MGLL: variants seen among roughly 807,000 people sequenced by gnomAD.
The protein encoded by MGLL is monoglyceride lipase, also known as lysophospholipase homolog.
In MGLL, 7 loss-of-function variants were observed where a neutral mutation model predicts 29.1. The ratio of observed to expected loss-of-function variants is 0.24; its 90% CI spans 0.14 to 0.45. MGLL has a LOEUF of 0.45. Among genes scored for constraint, MGLL ranks in the 20% least tolerant of loss-of-function variants. The pLI, the probability that MGLL is intolerant of heterozygous loss-of-function variation, is 0.99. For synonymous variants in MGLL, 148 were observed against 168.3 expected (o/e 0.88, Z 0.93); for missense variants, 356 against 413.6 (o/e 0.86, Z 1.21).
chr3:127,735,649 C>A lies in MGLL; in HGVS notation c.263-13083G>T. The A allele has an allele frequency of 2.6e-6, 4 of 1,512,656 alleles. No homozygotes were observed. The South Asian group carries it at 3.7e-5, about 14-fold the overall frequency. The allele number at this position is 1,512,656 out of a possible 1,614,324, so 93.7% of individuals were successfully genotyped here. On this transcript the variant is annotated intron_variant, in intron 3 of 7. Coordinates refer to ENST00000265052, the MANE Select transcript of MGLL (RefSeq NM_007283.7). ...TTCCAAGATTGTAGTTACCTCCAGT[C>A]ACCTCCTGTCTACTCATCAAGTTGT...
chr3:127,804,765 G>A (rs549356058), intron 2 of MGLL, among the ~76,000 whole-genome samples: 2 of 152,282 alleles, frequency 1.3e-5, no homozygotes, highest in African/African-American at 4.8e-5. Context: ...GTAATAGTTG[G>A]GCCAGGCCTG....
intron 3 of MGLL, among the ~76,000 whole-genome samples, chr3:127,734,818 G>A (rs914742137): frequency 1.2e-4 from 19 of 152,350 alleles, no homozygotes; most frequent in Non-Finnish European, 1.2e-4. Context: ...GCAGGCACAC[G>A]GGCTGAGGCT....
At chr3:127,766,064 A>C (rs2076849996) in intron 3 of MGLL, among the ~76,000 whole-genome samples, 1 of 152,172 alleles carries the variant, frequency 6.6e-6, no homozygotes, top group Non-Finnish European at 1.5e-5. Context: ...CACCAGTTTA[A>C]AGTGAGGTTT....
intron 2 of MGLL, among the ~76,000 whole-genome samples, chr3:127,795,147 G>A (rs187810368): frequency 5.2e-4 from 79 of 152,256 alleles, no homozygotes; most frequent in East Asian, 1.5e-3. Flanking sequence ...ACAGTGGATC[G>A]GATAAAGAAA....
intron 3 of MGLL, among the ~76,000 whole-genome samples, chr3:127,726,194 G>GA (rs1362461621): frequency 0.033 from 2,463 of 74,406 alleles, 51 homozygotes; most frequent in Non-Finnish European, 0.041. Flanking sequence ...GAAAAGAAAA[G>GA]AAAGAAAGAA....
chr3:127,721,934 A>C (rs1297708005), intron 4 of MGLL, among the ~76,000 whole-genome samples: 1 of 152,216 alleles, frequency 6.6e-6, no homozygotes, highest in Non-Finnish European at 1.5e-5. Flanking sequence ...TTGCTCGATT[A>C]CATTTTAAGA....
intron 3 of MGLL, among the ~76,000 whole-genome samples, chr3:127,734,534 A>G (rs1455910028): frequency 1.3e-5 from 2 of 152,156 alleles, no homozygotes; most frequent in African/African-American, 2.4e-5. Context: ...GGTGCCAACC[A>G]CAGAGTGTCT....
intron 3 of MGLL, among the ~76,000 whole-genome samples, chr3:127,752,797 C>T (rs1418185872): frequency 1.3e-5 from 2 of 152,138 alleles, no homozygotes; most frequent in Non-Finnish European, 2.9e-5. Context: ...CACCTCCCAC[C>T]GCTCTCAGGC....
chr3:127,764,397 G>A (rs1576565695), intron 3 of MGLL, among the ~76,000 whole-genome samples: 1 of 152,328 alleles, frequency 6.6e-6, no homozygotes, highest in East Asian at 1.9e-4. Context: ...CCTGCCTGCA[G>A]AATGGGCGTA....
intron 3 of MGLL, among the ~76,000 whole-genome samples, chr3:127,772,763 G>A (rs1009055482): frequency 5.9e-5 from 9 of 152,216 alleles, no homozygotes; most frequent in Non-Finnish European, 7.3e-5. Context: ...GTGTTGGGAG[G>A]TGGGGCCTTT....
chr3:127,694,944 G>A, intron 7 of MGLL, 31 bp downstream of exon 7: 6 of 1,603,344 alleles, frequency 3.7e-6, no homozygotes, highest in Non-Finnish European at 5.1e-6. Flanking sequence ...CCTCCACCTT[G>A]GGGGGAAGTG....
At chr3:127,738,259 C>T (rs1038182660) in intron 3 of MGLL, among the ~76,000 whole-genome samples, 2 of 151,656 alleles carry the variant, frequency 1.3e-5, no homozygotes, top group Non-Finnish European at 2.9e-5. Flanking sequence ...CGTGATTTCA[C>T]CACTGCACTC....
At chr3:127,733,998 G>A (rs2076199334) in intron 3 of MGLL, among the ~76,000 whole-genome samples, 1 of 152,246 alleles carries the variant, frequency 6.6e-6, no homozygotes, top group African/African-American at 2.4e-5. Context: ...TGGCCCTGCA[G>A]AGGAAAGTGG....
chr3:127,776,375 G>A (rs68125058), intron 3 of MGLL, among the ~76,000 whole-genome samples: 2 of 152,070 alleles, frequency 1.3e-5, no homozygotes, highest in Non-Finnish European at 2.9e-5. Context: ...TCTGAGGGGT[G>A]GGGGAGGGGG....
intron 6 of MGLL, among the ~76,000 whole-genome samples, chr3:127,700,148 A>G (rs923350502): frequency 1.3e-5 from 2 of 152,216 alleles, no homozygotes; most frequent in Non-Finnish European, 2.9e-5. Context: ...CTTCTCTGGC[A>G]TAATAGAGAA....
At chr3:127,818,643 A>T (rs546344409) in intron 2 of MGLL, among the ~76,000 whole-genome samples, 21 of 152,334 alleles carry the variant, frequency 1.4e-4, no homozygotes, top group African/African-American at 5.0e-4. Flanking sequence ...CCTATAAAGA[A>T]GAAATCTGTC....
rs759523987 is a variant in MGLL, at chr3:127,783,179, A to T, written c.156-1284T>A. On this transcript the variant is annotated intron_variant, in intron 2 of 7. Transcript: ENST00000265052. ...AAAAAAAAAAAAAAAGAAGTAAAGTAAGTTGTCCGAGCCACATGGCAAGTT... is the reference window on the plus strand; with the variant it reads ...AAAAAAAAAAAAAAAGAAGTAAAGTTAGTTGTCCGAGCCACATGGCAAGTT... Among the ~76,000 whole-genome samples the T allele has an allele frequency of 5.2e-4, 78 of 149,016 alleles. 1 individual carries two copies. Among genetic ancestry groups the T allele is most frequent in the Admixed American group, 1.1e-3 (17 of 14,982 alleles).
intron 2 of MGLL, among the ~76,000 whole-genome samples, chr3:127,809,272 T>A (rs1264708923): frequency 1.3e-5 from 2 of 152,078 alleles, no homozygotes; most frequent in Admixed American, 1.3e-4. Context: ...CCAAGTCCTA[T>A]AGCCAGCTCT....
In MGLL at chr3:127,789,661, G is replaced by GCACTC. The variant is rs1421828996; in HGVS notation, c.156-7771_156-7767dup. 2.6e-5 allele frequency among the ~76,000 whole-genome samples: 4 copies of GCACTC among 151,808 alleles called. No individual in the cohort carries two copies. In the East Asian group the frequency reaches 5.8e-4, roughly 22 times the overall value. On this transcript the variant is annotated intron_variant, in intron 2 of 7. Transcript: ENST00000265052. ...TACAGTGAGTCATGATCACGCCACT[G>GCACTC]CACTCCACTCCACTCTGGGTGGCAG...
Sources: gnomAD v4.1 joint callset for allele counts (sites outside exome capture counted in the v4.1 genomes callset) on GRCh38, gnomAD v4.1.1 for gene constraint, MANE v1.5 for transcripts, NCBI Gene and HGNC (gene_info 2026-07-23, HGNC 2026-07-21) for gene names.